ADAMTS14: variants seen among roughly 807,000 people sequenced by gnomAD.
ADAMTS14 encodes A disintegrin and metalloproteinase with thrombospondin motifs 14.
A neutral mutation model predicts 128.6 loss-of-function variants in ADAMTS14; 100 were observed. The ratio of observed to expected loss-of-function variants is 0.78; its 90% confidence interval spans 0.66 to 0.92. The LOEUF (loss-of-function observed/expected upper bound fraction) is 0.92, where lower values mean the gene tolerates loss of function less well. Among genes scored for constraint, ADAMTS14 ranks in the 40% least tolerant of loss-of-function variants. The pLI is 0.00. For missense variants in ADAMTS14, 1,562 were observed against 1,658.6 expected (o/e 0.94, Z 1.01); for synonymous variants, 665 against 653.8 (o/e 1.02, Z -0.26).
intron 2 of ADAMTS14, among the ~76,000 whole-genome samples, chr10:70,701,601 TAAC>T (rs1260718484): frequency 6.6e-6 from 1 of 152,222 alleles, no homozygotes; most frequent in Non-Finnish European, 1.5e-5. Context: ...TGGGGGATAA[TAAC>T]ACATTTTCTG....
intron 3 of ADAMTS14, among the ~76,000 whole-genome samples, chr10:70,703,435 C>A (rs1190235126): frequency 6.6e-6 from 1 of 152,228 alleles, no homozygotes; most frequent in South Asian, 2.1e-4. Context: ...TCCTCACAGA[C>A]AGTGCATCCG....
At chr10:70,708,950 GC>G (rs1316505512) in intron 4 of ADAMTS14, among the ~76,000 whole-genome samples, 172 bp downstream of exon 4, 1 of 152,134 alleles carries the variant, frequency 6.6e-6, no homozygotes, top group African/African-American at 2.4e-5. Context: ...ACCCTTGGCA[GC>G]CAGGTTCGAT....
Position 70,744,167 on chromosome 10 carries a change from G to A in ADAMTS14, c.2160G>A (p.Leu720=). ...NSHCRTVKGT[L]GKASKQAGAL... ...ACTGCAGGACTGTGAAGGGGACGCT[G>A]GGCAAGGCCTCCAAGCAGGCAGGTG... The change falls in exon 14 of 22, where the codon CTG becomes CTA. Residue 720 remains leucine, a synonymous_variant. Coordinates refer to ENST00000373207, the MANE Select transcript of ADAMTS14 (RefSeq NM_080722.4). 1 of 1,539,790 alleles carries A rather than the reference G, an allele frequency of 6.5e-7. No homozygotes were observed. Among genetic ancestry groups the A allele is most frequent in the East Asian group, 2.4e-5 (1 of 40,852 alleles).
chr10:70,732,340 G>A lies in ADAMTS14; in HGVS notation c.1189G>A (p.Ala397Thr). The A allele has an allele frequency of 1.9e-6, 3 of 1,614,110 alleles. No individual in the cohort carries two copies. Among genetic ancestry groups the A allele is most frequent in the Non-Finnish European group, 2.5e-6 (3 of 1,179,990 alleles). ...TGGCTTCTCCTCAGCCTTCGTGATA[G>A]CTCATGAGACCGGCCACGTGTAAGT... is the stretch of plus-strand genomic sequence containing the variant. ...EDGFSSAFVI[A>T]HETGHVLGME... Residue 397 changes from alanine (A) to threonine (T), a missense_variant, in exon 7 of 22, where the codon GCT (alanine) becomes ACT (threonine). By Grantham distance (58) the Ala-to-Thr change is moderately conservative. Coordinates refer to ENST00000373207, the MANE Select transcript of ADAMTS14 (RefSeq NM_080722.4).
chr10:70,702,375 GAGA>G lies in ADAMTS14; in HGVS notation c.589_591del (p.Lys197del). On this transcript the variant is annotated inframe_deletion, in exon 3 of 22. Transcript: ENST00000373207. ...TGAGCCTCTGGAGCGGGGCCAGCAGGAGAAGGAGGCCAGCGGGAGGACACATGT... is the reference window on the plus strand; with the variant it reads ...TGAGCCTCTGGAGCGGGGCCAGCAGGAGGAGGCCAGCGGGAGGACACATGT... 1 of 1,614,202 alleles carries G rather than the reference GAGA, an allele frequency of 6.2e-7. No individual in the cohort carries two copies. Among genetic ancestry groups the G allele is most frequent in the African/African-American group, 1.3e-5 (1 of 75,050 alleles).
At position 70,738,909 on chromosome 10, in the gene ADAMTS14, G is replaced by C. The variant is rs973580014; in HGVS notation, c.1667G>C (p.Ser556Thr). 4 of 1,614,116 alleles carry C rather than the reference G, an allele frequency of 2.5e-6. No homozygotes were observed. The highest frequency in any genetic ancestry group is 3.4e-6 in the Non-Finnish European group (4 of 1,180,018). The change falls in exon 11 of 22, where the codon AGC becomes ACC. Residue 556 changes from serine (S) to threonine (T), a missense_variant. Coordinates refer to ENST00000373207, the MANE Select transcript of ADAMTS14 (RefSeq NM_080722.4). ...ACATATGGCCAGGATGGAGGCTGGAGCTCCTGGACCAAGTTTGGGTCATGT... is the reference window on the plus strand; with the variant it reads ...ACATATGGCCAGGATGGAGGCTGGACCTCCTGGACCAAGTTTGGGTCATGT... Reference protein sequence around the residue: ...EQTYGQDGGWSSWTKFGSCSR... With the variant: ...EQTYGQDGGWTSWTKFGSCSR...
rs986044629 is a variant in ADAMTS14, at chr10:70,743,605, T to C, written c.1982T>C (p.Met661Thr). The C allele has an allele frequency of 1.2e-6, 2 of 1,612,838 alleles. No individual in the cohort carries two copies. The highest frequency in any genetic ancestry group is 2.7e-5 in the African/African-American group (2 of 74,864). ...GCGGACACGGGGGACGTGGTGTTCATGAACCAGGTGGTTCACGATGGGACA... is the reference window on the plus strand; with the variant it reads ...GCGGACACGGGGGACGTGGTGTTCACGAACCAGGTGGTTCACGATGGGACA... ...QSADTGDVVF[M>T]NQVVHDGTRC... is the part of the protein sequence containing the mutation. The change falls in exon 13 of 22, where the codon ATG becomes ACG. Residue 661 changes from methionine (M) to threonine (T), a missense_variant. Coordinates refer to ENST00000373207, the MANE Select transcript of ADAMTS14 (RefSeq NM_080722.4).
chr10:70,677,392 T>C (rs962961837), intron 2 of ADAMTS14, among the ~76,000 whole-genome samples: 20 of 152,144 alleles, frequency 1.3e-4, no homozygotes, highest in African/African-American at 3.9e-4. Context: ...TTCTGAGCTT[T>C]ACTCTTCTCA....
rs531854119 is a variant in ADAMTS14, at chr10:70,707,424, A to C, written c.680-1164A>C. Among the ~76,000 whole-genome samples the C allele has an allele frequency of 5.9e-5, 9 of 152,260 alleles. No homozygotes were observed. The South Asian group carries it at 1.7e-3, about 28-fold the overall frequency. On this transcript the variant is annotated intron_variant, in intron 3 of 21. Coordinates refer to ENST00000373207, the MANE Select transcript of ADAMTS14 (RefSeq NM_080722.4). The stretch of plus-strand genomic sequence containing the variant: ...CAAAGCTTCAGAGTGAGATGGAGGG[A>C]AAGTCATTAAGAGTTAAGGCTCTGG...
At chr10:70,686,361 T>C (rs1265359767) in intron 2 of ADAMTS14, among the ~76,000 whole-genome samples, 2 of 125,782 alleles carry the variant, frequency 1.6e-5, no homozygotes, top group African/African-American at 3.0e-5. Context: ...CATGGGACAA[T>C]AGTGGAGGGA....
chr10:70,752,276 G>A (rs778009680), intron 18 of ADAMTS14, 49 bp downstream of exon 18: 16 of 1,600,906 alleles, frequency 1.0e-5, no homozygotes, highest in South Asian at 2.2e-5. Flanking sequence ...TGCCTAGCCC[G>A]GGCCCCAGGC....
At chr10:70,746,447 G>T (rs1842180348) in intron 15 of ADAMTS14, among the ~76,000 whole-genome samples, 1 of 152,176 alleles carries the variant, frequency 6.6e-6, no homozygotes, top group African/African-American at 2.4e-5. Flanking sequence ...GACGGCTAAT[G>T]GGTATCAGGT....
At position 70,678,907 on chromosome 10, in the gene ADAMTS14, G is replaced by A. The variant is rs146458269; in HGVS notation, c.522+3912G>A. On this transcript the variant is annotated intron_variant, in intron 2 of 21. Coordinates refer to ENST00000373207, the MANE Select transcript of ADAMTS14 (RefSeq NM_080722.4). ...AGTTGATGGCTCCCTCCTACATTGT[G>A]GTTAATTCATGCCTAACACTGGGGT... Among the ~76,000 whole-genome samples, 373 of 152,196 alleles carry A rather than the reference G, an allele frequency of 2.5e-3. 2 individuals carry two copies. The highest frequency in any genetic ancestry group is 8.4e-3 in the African/African-American group (347 of 41,510).
At position 70,745,195 on chromosome 10, in the gene ADAMTS14, C is replaced by T. The variant is rs1420898544; in HGVS notation, c.2183-31C>T. 5.6e-6 allele frequency: 9 copies of T among 1,602,306 alleles called. No homozygotes were observed. In the South Asian group the frequency reaches 1.0e-4, roughly 18 times the overall value. On this transcript the variant is annotated intron_variant, in intron 14 of 21. Coordinates refer to ENST00000373207, the MANE Select transcript of ADAMTS14 (RefSeq NM_080722.4). ...GCAGTGGGACCACCAGCTTAGGATG[C>T]TCACGACTTCTGGATCCCTGTGTGT...
At chr10:70,758,428 A>G (rs1842531834) in intron 21 of ADAMTS14, 143 bp downstream of exon 21, 3 of 683,140 alleles carry the variant, frequency 4.4e-6, no homozygotes, top group Non-Finnish European at 7.2e-6. Context: ...TACCTCAGTT[A>G]TGAAGTGGGG....
At chr10:70,759,217 T>C (rs1042264310) in intron 21 of ADAMTS14, among the ~76,000 whole-genome samples, 1 of 148,412 alleles carries the variant, frequency 6.7e-6, no homozygotes, top group African/African-American at 2.5e-5. Flanking sequence ...ACGATTCCGA[T>C]TCTGGTTCCA....
Position 70,743,229 on chromosome 10 carries a change from A to T in ADAMTS14, c.1925-319A>T, listed in dbSNP as rs55862243. On this transcript the variant is annotated intron_variant, in intron 12 of 21. Transcript: ENST00000373207. ...GCATGTGAAGGTTTTAGAAATATCT[A>T]GTACATAGTAAGCATTCACTAAGCA... Among the ~76,000 whole-genome samples, 1,476 of 152,354 alleles carry T rather than the reference A, an allele frequency of 9.7e-3. 20 individuals carry two copies. Among genetic ancestry groups the T allele is most frequent in the African/African-American group, 0.033 (1,353 of 41,566 alleles).
intron 4 of ADAMTS14, among the ~76,000 whole-genome samples, chr10:70,720,300 C>T (rs1172402688): frequency 6.6e-6 from 1 of 152,224 alleles, no homozygotes; most frequent in Non-Finnish European, 1.5e-5. Flanking sequence ...GAGCCTGCAG[C>T]AGCTGAGAAA....
Position 70,753,942 on chromosome 10 carries a change from G to T in ADAMTS14, c.2872G>T (p.Glu958Ter). ...CAAAGCCTGCGCCGGGGACCGGCCT[G>T]AGGCCCGACGGCCCTGTCTCCGAGT... ...PAKACAGDRP[E>*]ARRPCLRVPC... Residue 958 changes from glutamate to a stop codon, truncating the protein, a stop_gained, in exon 19 of 22, where the codon GAG becomes TAG. Transcript: ENST00000373207. LOFTEE classifies it high-confidence loss of function. 6.3e-7 allele frequency: 1 copy of T among 1,586,364 alleles called. No individual in the cohort carries two copies. Among genetic ancestry groups the T allele is most frequent in the East Asian group, 2.3e-5 (1 of 43,660 alleles).
Sources: allele counts gnomAD v4.1 joint callset (sites outside exome capture counted in the v4.1 genomes callset), GRCh38; gene constraint gnomAD v4.1.1; transcripts MANE v1.5; gene names NCBI Gene and HGNC (gene_info 2026-07-23, HGNC 2026-07-21).